The following CNTLN variants were observed in gnomAD, a reference collection of about 807,000 sequenced individuals.
The protein encoded by CNTLN is centlein.
CNTLN carries 212 observed loss-of-function variants against 180.0 expected under a neutral mutation model. The observed-to-expected ratio is 1.18, with a 90% confidence interval of 1.05 to 1.32. The LOEUF (loss-of-function observed/expected upper bound fraction) is 1.32. CNTLN is among the 40% of genes most tolerant of loss of function. The pLI is 0.00. For missense variants in CNTLN, 2,095 were observed against 1,610.9 expected (o/e 1.30, Z -5.14); for synonymous variants, 722 against 563.1 (o/e 1.28, Z -3.99).
chr9:17,300,683 A>C (rs1818281621), intron 7 of CNTLN: 1 of 152,200 alleles, frequency 6.6e-6, no homozygotes, highest in South Asian at 2.1e-4. Flanking sequence ...AAGTCCCTCC[A>C]GTGGTTTCCC....
At chr9:17,499,199 C>G (rs964172717) in intron 25 of CNTLN, among the ~76,000 whole-genome samples, 3 of 152,140 alleles carry the variant, frequency 2.0e-5, no homozygotes, top group African/African-American at 7.2e-5. Flanking sequence ...CAACCTAGAG[C>G]TACATGCTGA....
At chr9:17,385,086 A>C (rs551424453) in intron 13 of CNTLN, among the ~76,000 whole-genome samples, 2 of 152,288 alleles carry the variant, frequency 1.3e-5, no homozygotes, top group African/African-American at 4.8e-5. Context: ...AAAGTTTTCC[A>C]TTTACTATTG....
intron 18 of CNTLN, among the ~76,000 whole-genome samples, chr9:17,441,456 T>C (rs1830102158): frequency 6.6e-6 from 1 of 152,102 alleles, no homozygotes; most frequent in Non-Finnish European, 1.5e-5. Context: ...ATTTTGTATG[T>C]GATTGAAGTT....
Position 17,135,170 on chromosome 9 carries a change from C to T in CNTLN, c.105C>T (p.Arg35=), listed in dbSNP as rs1282750343. The T allele has an allele frequency of 6.8e-6, 11 of 1,609,970 alleles. No individual in the cohort carries two copies. The highest frequency in any genetic ancestry group is 9.3e-6 in the Non-Finnish European group (11 of 1,178,816). ...VGRGAEVHAM[R]SEASGFAGAA... is the part of the protein sequence containing the mutation. ...GGGGAGCTGAAGTACACGCAATGCGCAGCGAGGCCTCGGGTTTTGCCGGCG... is the reference window on the plus strand; with the variant it reads ...GGGGAGCTGAAGTACACGCAATGCGTAGCGAGGCCTCGGGTTTTGCCGGCG... The change falls in exon 1 of 26, where the codon CGC becomes CGT. Residue 35 remains arginine (R), a synonymous_variant. Transcript: ENST00000380647.
At chr9:17,501,430 C>T (rs1833749437) in intron 25 of CNTLN, among the ~76,000 whole-genome samples, 1 of 152,198 alleles carries the variant, frequency 6.6e-6, no homozygotes, top group African/African-American at 2.4e-5. Flanking sequence ...CTCTTTAGTT[C>T]TACTACCACA....
intron 12 of CNTLN, among the ~76,000 whole-genome samples, chr9:17,360,435 A>C (rs892086886): frequency 1.3e-5 from 2 of 152,152 alleles, no homozygotes; most frequent in African/African-American, 4.8e-5. Context: ...ATTCTGGCTA[A>C]ACTGACCTTA....
chr9:17,290,039 C>A (rs1445447331), intron 6 of CNTLN, among the ~76,000 whole-genome samples: 1 of 152,158 alleles, frequency 6.6e-6, no homozygotes, highest in Non-Finnish European at 1.5e-5. Flanking sequence ...CAGCTTTTTT[C>A]CGTTGCTGGT....
chr9:17,252,716 T>C (rs1480084823), intron 5 of CNTLN, among the ~76,000 whole-genome samples: 1 of 151,796 alleles, frequency 6.6e-6, no homozygotes, highest in East Asian at 1.9e-4. Context: ...CTGTTTTTTG[T>C]AGGCTGAATT....
chr9:17,301,141 A>G (rs1457101326), intron 7 of CNTLN: 1 of 985,282 alleles, frequency 1.0e-6, no homozygotes, highest in African/African-American at 1.7e-5. Context: ...CAAAGAGACA[A>G]ATTAATTTCT....
At chr9:17,222,093 A>T (rs1186252226) in intron 2 of CNTLN, among the ~76,000 whole-genome samples, 3 of 152,016 alleles carry the variant, frequency 2.0e-5, no homozygotes, top group African/African-American at 7.2e-5. Context: ...GCATACACAC[A>T]GGCTGTCTTA....
intron 23 of CNTLN, among the ~76,000 whole-genome samples, chr9:17,477,590 A>C (rs1832420506): frequency 6.6e-6 from 1 of 152,208 alleles, no homozygotes; most frequent in Admixed American, 6.5e-5. Context: ...AGTTCAAGAC[A>C]TTAGTGGAGG....
At chr9:17,492,631 C>T (rs1000729661) in intron 25 of CNTLN, among the ~76,000 whole-genome samples, 12 of 152,078 alleles carry the variant, frequency 7.9e-5, no homozygotes, top group African/African-American at 2.9e-4. Context: ...TTGTATGTTG[C>T]TAATGATAAT....
intron 15 of CNTLN, among the ~76,000 whole-genome samples, chr9:17,395,731 A>G (rs1375196361): frequency 6.6e-6 from 1 of 152,134 alleles, no homozygotes; most frequent in Admixed American, 6.6e-5. Context: ...CAACAGGAGG[A>G]TACTAAAAAT....
intron 5 of CNTLN, among the ~76,000 whole-genome samples, chr9:17,258,648 A>C (rs1369696279): frequency 1.2e-4 from 18 of 149,020 alleles, no homozygotes; most frequent in Admixed American, 3.3e-4. Flanking sequence ...CTTTTATTTC[A>C]TTGAGCAGTG....
At chr9:17,169,212 T>TGTTCTTGAACTCCTGGGTTCAA (rs1820275042) in intron 2 of CNTLN, among the ~76,000 whole-genome samples, 1 of 152,108 alleles carries the variant, frequency 6.6e-6, no homozygotes, top group Non-Finnish European at 1.5e-5. Flanking sequence ...TTTGCCAGGC[T>TGTTCTTGAACTCCTGGGTTCAA]GTTCTTGAAC....
At chr9:17,506,805 A>ACC (rs1833940602), downstream of CNTLN, among the ~76,000 whole-genome samples, 2 of 152,172 alleles carry the variant, frequency 1.3e-5, no homozygotes, top group African/African-American at 4.8e-5. Context: ...TTCATGAGAT[A>ACC]CATGGGCAGA....
chr9:17,515,572 A>G, the CNTLN span, among the ~76,000 whole-genome samples: 6 of 152,266 alleles, frequency 3.9e-5, no homozygotes, highest in Admixed American at 2.6e-4. Flanking sequence ...CCCAGTCAGT[A>G]AGTGGCAACC....
chr9:17,426,021 A>T (rs1178110039), intron 18 of CNTLN, among the ~76,000 whole-genome samples: 1 of 152,162 alleles, frequency 6.6e-6, no homozygotes, highest in Admixed American at 6.5e-5. Context: ...GTGGCTGTAC[A>T]ATCATTTGAT....
chr9:17,201,468 C>A (rs1189461308), intron 2 of CNTLN, among the ~76,000 whole-genome samples: 3 of 151,668 alleles, frequency 2.0e-5, no homozygotes, highest in African/African-American at 7.3e-5. Context: ...TGGACCTGGG[C>A]TTTTTTTTGG....
Sources: gnomAD v4.1 joint callset for allele counts (sites outside exome capture counted in the v4.1 genomes callset) on GRCh38, gnomAD v4.1.1 for gene constraint, MANE v1.5 for transcripts, NCBI Gene and HGNC (gene_info 2026-07-23, HGNC 2026-07-21) for gene names.